The following SMPD3 variants were observed in gnomAD, a reference collection of about 807,000 sequenced individuals.
SMPD3 encodes the protein sphingomyelin phosphodiesterase 3, also known as nSMase-2.
Under a neutral mutation model 55.7 loss-of-function variants are expected in SMPD3, and 21 were observed. The observed-to-expected ratio is 0.38, with a 90% CI of 0.27 to 0.54. The LOEUF is 0.54. Ranked by LOEUF, SMPD3 falls within the 20% of genes least tolerant of loss-of-function variation. The pLI is 0.80. For missense variants in SMPD3, 842 were observed against 899.6 expected, an observed-to-expected ratio of 0.94 and a Z score of 0.82; for synonymous variants, 457 against 404.3, an observed-to-expected ratio of 1.13 and a Z score of -1.56.
intron 2 of SMPD3, among the ~76,000 whole-genome samples, chr16:68,379,306 C>T (rs149243056): frequency 4.6e-5 from 7 of 152,340 alleles, no homozygotes; most frequent in African/African-American, 1.2e-4. Flanking sequence ...AGGGCCAGGT[C>T]GACCTGCTGG....
chr16:68,431,022 G>A (rs1271673432), intron 1 of SMPD3, among the ~76,000 whole-genome samples: 1 of 152,142 alleles, frequency 6.6e-6, no homozygotes, highest in Admixed American at 6.5e-5. Context: ...AGTGGGGACA[G>A]AATTCAGATA....
chr16:68,361,865 G>T, intron 7 of SMPD3, 106 bp from the exon 8 acceptor site: 95 of 1,186,328 alleles, frequency 8.0e-5, no homozygotes, highest in East Asian at 1.3e-4. Context: ...GAGCGGGTGG[G>T]TGGGACCAAA....
At chr16:68,364,052 G>A (rs1186332279) in intron 5 of SMPD3, among the ~76,000 whole-genome samples, 186 bp from the exon 6 acceptor site, 2 of 151,980 alleles carry the variant, frequency 1.3e-5, no homozygotes, top group Non-Finnish European at 2.9e-5. Context: ...GCTTTTCTGT[G>A]TCCTTGAGAA....
intron 6 of SMPD3, 75 bp downstream of exon 6, chr16:68,363,702 G>T: frequency 6.8e-7 from 1 of 1,467,678 alleles, no homozygotes; most frequent in East Asian, 2.4e-5. Context: ...GGTCTTGTGG[G>T]GTAGGTCCTG....
At chr16:68,439,832 G>C (rs1432624184) in intron 1 of SMPD3, among the ~76,000 whole-genome samples, 3 of 152,216 alleles carry the variant, frequency 2.0e-5, no homozygotes. Flanking sequence ...TAGGAGTCAG[G>C]AGAAATGGCT....
At chr16:68,402,693 G>A (rs553355022) in intron 1 of SMPD3, among the ~76,000 whole-genome samples, 3 of 152,266 alleles carry the variant, frequency 2.0e-5, no homozygotes, top group East Asian at 1.9e-4. Context: ...TCAGAGAGGC[G>A]GTAGCCACAA....
intron 2 of SMPD3, 39 bp from the exon 3 acceptor site, chr16:68,372,426 T>A: frequency 1.8e-6 from 1 of 561,316 alleles, no homozygotes; most frequent in East Asian, 3.1e-5. Context: ...TTTAGTGATC[T>A]TCAGGGGAGT....
chr16:68,371,613 G>C lies in SMPD3; in HGVS notation c.569C>G (p.Pro190Arg). The change falls in exon 3 of 9, where the codon CCA becomes CGA. Residue 190 changes from proline (P) to arginine (R), a missense_variant. Pro to Arg is a moderately radical substitution (Grantham distance 103). Transcript: ENST00000219334. ...SAASFSSLVS[P>R]QGGDGVARAV... ...CCGGGCCACCCCATCGCCGCCCTGT[G>C]GTGACACCAGGCTGCTGAAGCTAGC... 6.4e-7 allele frequency: 1 copy of C among 1,567,010 alleles called. No individual in the cohort carries two copies. The highest frequency in any genetic ancestry group is 8.6e-7 in the Non-Finnish European group (1 of 1,157,498).
intron 3 of SMPD3, chr16:68,368,550 T>G (rs2089554018): frequency 6.5e-6 from 1 of 152,776 alleles, no homozygotes; most frequent in Admixed American, 6.5e-5. Flanking sequence ...AATGGATGGG[T>G]CGGGCACAGG....
chr16:68,362,218 G>A (rs539426635), intron 7 of SMPD3, among the ~76,000 whole-genome samples: 63 of 152,280 alleles, frequency 4.1e-4, no homozygotes, highest in Admixed American at 5.9e-4. Flanking sequence ...CTGTCCCTAC[G>A]TGGCTGTGTG....
Position 68,361,292 on chromosome 16 carries a change from T to C in SMPD3, c.1882A>G (p.Ser628Gly). Residue 628 changes from serine (S) to glycine (G), a missense_variant, in exon 9 of 9, where the codon AGT (serine) becomes GGT (glycine). Ser to Gly is a moderately conservative substitution (Grantham distance 56, BLOSUM62 0). Around this residue, in one of 2 missense-constraint regions of SMPD3, gnomAD observed 649 missense variants for 643.6 expected, o/e 1.01. Coordinates refer to ENST00000219334, the MANE Select transcript of SMPD3 (RefSeq NM_018667.4). ...PDWKAEVEEF[S>G]FITQLSGLTD... ...AGGCCGGACAGCTGGGTGATAAAAC[T>C]GAATTCTTCCACCTCCTGGGGTGAG... The C allele has an allele frequency of 6.2e-7, 1 of 1,611,800 alleles. No individual in the cohort carries two copies. The highest frequency in any genetic ancestry group is 8.5e-7 in the Non-Finnish European group (1 of 1,179,128).
intron 2 of SMPD3, among the ~76,000 whole-genome samples, chr16:68,376,009 G>A (rs540210982): frequency 3.2e-4 from 49 of 152,328 alleles, no homozygotes; most frequent in East Asian, 7.7e-4. Context: ...CATAGAAGCC[G>A]CTGGCGCAGG....
intron 3 of SMPD3, among the ~76,000 whole-genome samples, chr16:68,365,629 C>T (rs537950610): frequency 6.6e-6 from 1 of 152,290 alleles, no homozygotes; most frequent in Non-Finnish European, 1.5e-5. Context: ...CATGGTGAGT[C>T]ATCTGCTTTA....
intron 7 of SMPD3, among the ~76,000 whole-genome samples, chr16:68,362,422 T>C (rs1003416006): frequency 6.6e-6 from 1 of 152,236 alleles, no homozygotes; most frequent in African/African-American, 2.4e-5. Flanking sequence ...GGAATCCCTT[T>C]CTGGCACTGT....
At chr16:68,361,570 C>T in intron 8 of SMPD3, 33 bp downstream of exon 8, 1 of 1,601,802 alleles carries the variant, frequency 6.2e-7, no homozygotes. Context: ...TCTCTCTTTG[C>T]ATGGCCCTGG....
In SMPD3 at chr16:68,358,546, GA is replaced by G. The variant is rs963985012; in HGVS notation, c.*2659del. ...TAATGTCCCATGAAGATACAATACA[GA>G]AAAAAATACAGAAATTAAAAAAGTT... is the stretch of plus-strand genomic sequence containing the variant. On this transcript the variant is annotated 3_prime_UTR_variant, in exon 9 of 9. Transcript: ENST00000219334. The G allele has an allele frequency of 6.6e-6, 1 of 152,420 alleles. No homozygotes were observed. The highest frequency in any genetic ancestry group is 6.5e-5 in the Admixed American group (1 of 15,268). The allele number at this position is 152,420 out of a possible 1,614,324, so 9.4% of individuals were successfully genotyped here.
intron 1 of SMPD3, among the ~76,000 whole-genome samples, chr16:68,401,893 C>G (rs994800883): frequency 4.6e-5 from 7 of 152,166 alleles, no homozygotes; most frequent in African/African-American, 9.7e-5. Flanking sequence ...ATGTTCAGCT[C>G]TCCTTCCCGA....
intron 1 of SMPD3, among the ~76,000 whole-genome samples, chr16:68,397,396 T>C (rs1307583753): frequency 6.6e-6 from 1 of 152,074 alleles, no homozygotes; most frequent in African/African-American, 2.4e-5. Flanking sequence ...GATTGGGAGG[T>C]ATAAACCCAG....
chr16:68,373,569 C>T (rs1019074709), intron 2 of SMPD3, among the ~76,000 whole-genome samples: 5 of 152,182 alleles, frequency 3.3e-5, no homozygotes, highest in Non-Finnish European at 7.3e-5. Flanking sequence ...CCCTCTCCTC[C>T]TCCTGAATCC....
Sources: allele counts gnomAD v4.1 joint callset (sites outside exome capture counted in the v4.1 genomes callset), GRCh38; gene constraint gnomAD v4.1.1; regional missense constraint gnomAD v4.1.1; transcripts MANE v1.5; gene names NCBI Gene and HGNC (gene_info 2026-07-23, HGNC 2026-07-21).